LDLRAD3: variants seen among roughly 807,000 people sequenced by gnomAD.
LDLRAD3 encodes the protein low-density lipoprotein receptor class A domain-containing protein 3.
A neutral mutation model predicts 29.4 loss-of-function variants in LDLRAD3; 20 were observed. The ratio of observed to expected loss-of-function variants is 0.68; its 90% CI spans 0.48 to 0.99. The LOEUF (loss-of-function observed/expected upper bound fraction) is 0.99. Among genes scored for constraint, LDLRAD3 ranks in the 50% least tolerant of loss-of-function variants. LDLRAD3 has a pLI of 0.00. For synonymous variants in LDLRAD3, 157 were observed against 192.7 expected, an observed-to-expected ratio of 0.81 and a Z score of 1.53; for missense variants, 420 against 454.3, an observed-to-expected ratio of 0.92 and a Z score of 0.69.
At chr11:36,017,348 T>C (rs544390966) in intron 1 of LDLRAD3, among the ~76,000 whole-genome samples, 13 of 152,198 alleles carry the variant, frequency 8.5e-5, no homozygotes, top group Non-Finnish European at 1.5e-4. Context: ...CAGACATTAT[T>C]GTTCTTTGGC....
At position 36,180,820 on chromosome 11, in the gene LDLRAD3, G is replaced by C. The variant is rs144420188; in HGVS notation, c.455-46265G>C. 4.7e-3 allele frequency among the ~76,000 whole-genome samples: 711 copies of C among 152,272 alleles called. 2 individuals carry two copies. The highest frequency in any genetic ancestry group is 7.6e-3 in the Non-Finnish European group (518 of 68,016). On this transcript the variant is annotated intron_variant, in intron 4 of 5. Transcript: ENST00000315571. Reference sequence around the variant, plus strand: ...GTGTGCCAATTGGTGTGGTAAGAACGGTCAGTGCGGGCCATGCTTGGAAAG... The same window carrying C: ...GTGTGCCAATTGGTGTGGTAAGAACCGTCAGTGCGGGCCATGCTTGGAAAG...
intron 2 of LDLRAD3, among the ~76,000 whole-genome samples, chr11:36,067,910 C>G (rs1814192193): frequency 6.6e-6 from 1 of 152,106 alleles, no homozygotes; most frequent in Non-Finnish European, 1.5e-5. Flanking sequence ...TTCAAGCAAT[C>G]CACTCGTCTT....
chr11:36,206,450 A>G (rs1406355884), intron 4 of LDLRAD3, among the ~76,000 whole-genome samples: 1 of 152,218 alleles, frequency 6.6e-6, no homozygotes, highest in Non-Finnish European at 1.5e-5. Flanking sequence ...GGAGAGAGTA[A>G]GATGTGCCAT....
chr11:35,998,643 C>T (rs1565151943), intron 1 of LDLRAD3, among the ~76,000 whole-genome samples: 1 of 152,118 alleles, frequency 6.6e-6, no homozygotes, highest in Non-Finnish European at 1.5e-5. Flanking sequence ...GATGTGAGCC[C>T]AGGGGTCTGT....
rs539189960 is a variant in LDLRAD3, at chr11:36,194,481, C to G, written c.455-32604C>G. Among the ~76,000 whole-genome samples, 4 of 152,274 alleles carry G rather than the reference C, an allele frequency of 2.6e-5. No individual in the cohort carries two copies. In the East Asian group the frequency reaches 7.7e-4, roughly 29 times the overall value. On this transcript the variant is annotated intron_variant, in intron 4 of 5. Coordinates refer to ENST00000315571, the MANE Select transcript of LDLRAD3 (RefSeq NM_174902.4). ...TAGTGACCACCATATCCTCCAGGTC[C>G]TATCTCAGGTTTCCTGTGTGGAGAT...
chr11:36,118,341 C>T (rs1408873469), intron 4 of LDLRAD3, among the ~76,000 whole-genome samples: 1 of 152,120 alleles, frequency 6.6e-6, no homozygotes, highest in Non-Finnish European at 1.5e-5. Flanking sequence ...AAACTGAGGT[C>T]TGTTTTCATC....
chr11:35,990,862 T>C (rs769385812), intron 1 of LDLRAD3, among the ~76,000 whole-genome samples: 9 of 152,236 alleles, frequency 5.9e-5, no homozygotes, highest in Non-Finnish European at 8.8e-5. Context: ...CTTTTTCCAA[T>C]TGAGGTCACA....
intron 4 of LDLRAD3, among the ~76,000 whole-genome samples, chr11:36,129,796 G>A (rs1853898248): frequency 6.6e-6 from 1 of 152,048 alleles, no homozygotes; most frequent in South Asian, 2.1e-4. Context: ...ACCTCCTCTG[G>A]GTCTTTGCTC....
intron 4 of LDLRAD3, among the ~76,000 whole-genome samples, chr11:36,173,281 C>T (rs1005888403): frequency 2.0e-5 from 3 of 151,656 alleles, no homozygotes; most frequent in Admixed American, 1.3e-4. Flanking sequence ...TGGTGTGCTG[C>T]ACCCATTAAC....
chr11:36,082,857 C>T (rs79667874), intron 3 of LDLRAD3, among the ~76,000 whole-genome samples: 39 of 152,304 alleles, frequency 2.6e-4, no homozygotes, highest in African/African-American at 6.7e-4. Flanking sequence ...TGGCCCAGCT[C>T]GCCCATCAGG....
At chr11:36,198,287 T>A (rs1384328689) in intron 4 of LDLRAD3, among the ~76,000 whole-genome samples, 1 of 151,768 alleles carries the variant, frequency 6.6e-6, no homozygotes, top group Non-Finnish European at 1.5e-5. Flanking sequence ...CCTTTCACAT[T>A]GCATATAATT....
chr11:36,227,471 C>A, intron 5 of LDLRAD3, 41 bp downstream of exon 5: 1 of 1,425,294 alleles, frequency 7.0e-7, no homozygotes, highest in Admixed American at 2.2e-5. Context: ...GAGAGGTCAT[C>A]CATTGCGGGG....
chr11:36,034,788 T>A (rs958931974), intron 1 of LDLRAD3, among the ~76,000 whole-genome samples: 2 of 152,206 alleles, frequency 1.3e-5, no homozygotes, highest in African/African-American at 4.8e-5. Context: ...AAAGGCGACA[T>A]ATTTGTTTGC....
chr11:36,126,536 G>T (rs2133301345), intron 4 of LDLRAD3, among the ~76,000 whole-genome samples: 1 of 152,274 alleles, frequency 6.6e-6, no homozygotes, highest in East Asian at 1.9e-4. Flanking sequence ...AGGGTCGGGA[G>T]GCTGGTCCCC....
intron 4 of LDLRAD3, among the ~76,000 whole-genome samples, chr11:36,142,060 T>C (rs1302165254): frequency 6.6e-6 from 1 of 152,194 alleles, no homozygotes. Context: ...AATAAACCAC[T>C]ATTGCTTGCT....
At chr11:36,023,489 G>A (rs1054108068) in intron 1 of LDLRAD3, among the ~76,000 whole-genome samples, 1 of 152,180 alleles carries the variant, frequency 6.6e-6, no homozygotes, top group East Asian at 1.9e-4. Context: ...CTTTTGATGA[G>A]CTGGTTGCTC....
At chr11:35,999,820 A>G (rs1047617382) in intron 1 of LDLRAD3, among the ~76,000 whole-genome samples, 2 of 152,144 alleles carry the variant, frequency 1.3e-5, no homozygotes, top group Admixed American at 1.3e-4. Flanking sequence ...TGACCTACTC[A>G]TGAGGGCCCC....
intron 1 of LDLRAD3, among the ~76,000 whole-genome samples, chr11:35,945,498 G>A (rs1420576322): frequency 6.6e-6 from 1 of 152,180 alleles, no homozygotes; most frequent in Non-Finnish European, 1.5e-5. Context: ...ACCAGGTCTG[G>A]GTGAGAGTGC....
chr11:36,213,155 G>A lies in LDLRAD3; in HGVS notation c.455-13930G>A, dbSNP rs116726500. Among the ~76,000 whole-genome samples, 1,024 of 147,272 alleles carry A rather than the reference G, an allele frequency of 7.0e-3. 10 individuals carry two copies. Among genetic ancestry groups the A allele is most frequent in the African/African-American group, 0.024 (956 of 39,770 alleles). ...CCCTCTCATTTTGAATTTAATCCTC[G>A]GGCACTTGTCTCCCAGCTCTCAATG... On this transcript the variant is annotated intron_variant, in intron 4 of 5. Coordinates refer to ENST00000315571, the MANE Select transcript of LDLRAD3 (RefSeq NM_174902.4). This position sits in a 1 kb window ranked among gnomAD's most constrained non-coding sequence, Gnocchi z 4.1.
Sources: allele counts gnomAD v4.1 joint callset (sites outside exome capture counted in the v4.1 genomes callset), GRCh38; gene constraint gnomAD v4.1.1; non-coding constraint Gnocchi (gnomAD v3.1); transcripts MANE v1.5; gene names NCBI Gene and HGNC (gene_info 2026-07-23, HGNC 2026-07-21).